Variants in GLIS3 observed in about 807,000 individuals in gnomAD.
The protein encoded by GLIS3 is zinc finger protein GLIS3.
In GLIS3, 53 loss-of-function variants were observed where a neutral mutation model predicts 78.6. The ratio of observed to expected loss-of-function variants is 0.67; its 90% CI spans 0.54 to 0.85. GLIS3 has a LOEUF of 0.85. Among genes scored for constraint, GLIS3 ranks in the 40% least tolerant of loss-of-function variants. The pLI is 0.00. For missense variants in GLIS3, 1,703 were observed against 1,231.1 expected (o/e 1.38, Z -5.74); for synonymous variants, 684 against 509.9 (o/e 1.34, Z -4.60).
intron 2 of GLIS3, among the ~76,000 whole-genome samples, chr9:4,194,330 G>A (rs1470577075): frequency 1.3e-5 from 2 of 152,132 alleles, no homozygotes; most frequent in African/African-American, 4.8e-5. Flanking sequence ...AAAGTGCTAG[G>A]ATTACAGGCG....
intron 3 of GLIS3, among the ~76,000 whole-genome samples, chr9:4,120,774 G>C (rs899428827): frequency 6.6e-6 from 1 of 152,202 alleles, no homozygotes; most frequent in African/African-American, 2.4e-5. Flanking sequence ...TGCTACAATT[G>C]CCTGTCACTG....
intron 2 of GLIS3, among the ~76,000 whole-genome samples, chr9:4,247,768 G>C (rs1823935785): frequency 6.6e-6 from 1 of 152,102 alleles, no homozygotes; most frequent in South Asian, 2.1e-4. Context: ...ACTAAATTAA[G>C]AGAAGTTTTC....
rs75999193 is a variant in GLIS3, at chr9:4,177,671, T to G, written c.389-51730A>C. ...TTTCCCAGGGTGTAAAAAGAAACCT[T>G]AGAAACTACGCTAAGATTGGATGAG... On this transcript the variant is annotated intron_variant, in intron 2 of 10. Transcript: ENST00000381971. Among the ~76,000 whole-genome samples, 381 of 152,268 alleles carry G rather than the reference T, an allele frequency of 2.5e-3. 2 individuals carry two copies. Among genetic ancestry groups the G allele is most frequent in the African/African-American group, 8.6e-3 (357 of 41,564 alleles).
intron 2 of GLIS3, among the ~76,000 whole-genome samples, chr9:4,262,848 G>C (rs1186742586): frequency 1.3e-5 from 2 of 148,658 alleles, no homozygotes; most frequent in East Asian, 4.0e-4. Context: ...AAGGAATGTA[G>C]TGATCTAGTG....
intron 2 of GLIS3, among the ~76,000 whole-genome samples, chr9:4,263,488 A>T (rs1447186403): frequency 7.0e-6 from 1 of 143,452 alleles, no homozygotes; most frequent in African/African-American, 2.6e-5. Flanking sequence ...ATAAAGTCTA[A>T]GACAAGCAAA....
At chr9:4,125,635 T>TGTGA in intron 3 of GLIS3, 99 bp downstream of exon 3, 1 of 278,260 alleles carries the variant, frequency 3.6e-6, no homozygotes, top group Non-Finnish European at 6.7e-6. Flanking sequence ...AGTGTATGAG[T>TGTGA]GTGTGTGTGT....
At chr9:4,384,713 T>C in the GLIS3 span, among the ~76,000 whole-genome samples, 1 of 152,098 alleles carries the variant, frequency 6.6e-6, no homozygotes, top group Non-Finnish European at 1.5e-5. Flanking sequence ...ATAAATTCCA[T>C]TTCCTTTTTA....
the GLIS3 span, among the ~76,000 whole-genome samples, chr9:4,466,598 G>A: frequency 6.6e-6 from 1 of 152,126 alleles, no homozygotes; most frequent in Non-Finnish European, 1.5e-5. Context: ...ATAACCAATG[G>A]GATTTATACT....
At chr9:4,141,610 T>C (rs879758948) in intron 2 of GLIS3, among the ~76,000 whole-genome samples, 5 of 152,198 alleles carry the variant, frequency 3.3e-5, no homozygotes, top group Admixed American at 2.6e-4. Flanking sequence ...TAAGATGGAA[T>C]CTTGGCATCT....
At chr9:4,473,054 G>C in the GLIS3 span, among the ~76,000 whole-genome samples, 3 of 152,056 alleles carry the variant, frequency 2.0e-5, no homozygotes, top group African/African-American at 7.2e-5. Flanking sequence ...CACAATGGTT[G>C]AACTAATTTA....
chr9:3,843,046 C>G (rs1484519504), intron 9 of GLIS3, among the ~76,000 whole-genome samples: 2 of 152,186 alleles, frequency 1.3e-5, no homozygotes, highest in African/African-American at 4.8e-5. Context: ...ATGCCTGTCT[C>G]TCACATGTCA....
chr9:4,365,537 C>G, the GLIS3 span, among the ~76,000 whole-genome samples: 1 of 151,248 alleles, frequency 6.6e-6, no homozygotes. Context: ...GCCTGGGTGA[C>G]AGAGTGAGAC....
At chr9:4,182,291 T>A (rs1817400226) in intron 2 of GLIS3, among the ~76,000 whole-genome samples, 2 of 152,222 alleles carry the variant, frequency 1.3e-5, no homozygotes, top group Non-Finnish European at 2.9e-5. Flanking sequence ...ATGGGGCATG[T>A]ATTCTTCAGT....
At chr9:3,843,117 C>T (rs1379430023) in intron 9 of GLIS3, among the ~76,000 whole-genome samples, 1 of 152,236 alleles carries the variant, frequency 6.6e-6, no homozygotes. Context: ...CTTGTTCTCA[C>T]TGTTGGTCCC....
chr9:4,434,332 T>C, the GLIS3 span, among the ~76,000 whole-genome samples: 6 of 152,300 alleles, frequency 3.9e-5, no homozygotes, highest in East Asian at 7.7e-4. Flanking sequence ...AGCATTAACA[T>C]GACAATATTA....
intron 2 of GLIS3, among the ~76,000 whole-genome samples, chr9:4,256,637 G>A (rs1014419129): frequency 6.6e-6 from 1 of 152,122 alleles, no homozygotes; most frequent in Admixed American, 6.5e-5. Flanking sequence ...CAGAGAGGTA[G>A]TAAAAGGTCT....
At chr9:4,050,613 AT>A (rs113068380) in intron 4 of GLIS3, among the ~76,000 whole-genome samples, 1 of 149,840 alleles carries the variant, frequency 6.7e-6, no homozygotes, top group East Asian at 2.0e-4. Context: ...AATAAAAGTA[AT>A]TTTAAAAAAA....
the GLIS3 span, among the ~76,000 whole-genome samples, chr9:4,385,677 A>G: frequency 2.8e-4 from 41 of 144,058 alleles, 2 homozygotes; most frequent in African/African-American, 9.8e-4. Context: ...AAAAAAAAAA[A>G]AAAAAGAAAA....
intron 4 of GLIS3, among the ~76,000 whole-genome samples, chr9:3,997,181 T>C (rs2129866520): frequency 6.6e-6 from 1 of 152,164 alleles, no homozygotes; most frequent in Middle Eastern, 3.4e-3. Flanking sequence ...ACCCCGTCTC[T>C]ACTAAAAATA....
Sources: allele counts gnomAD v4.1 joint callset (sites outside exome capture counted in the v4.1 genomes callset), GRCh38; gene constraint gnomAD v4.1.1; transcripts MANE v1.5; gene names NCBI Gene and HGNC (gene_info 2026-07-23, HGNC 2026-07-21).